CHD6: variants seen among roughly 807,000 people sequenced by gnomAD.
The protein encoded by CHD6 is chromodomain helicase DNA binding protein 6, also known as ATP-dependent chromatin remodeler CHD6.
Under a neutral mutation model 276.9 loss-of-function variants are expected in CHD6, and 50 were observed. That is an observed-to-expected ratio of 0.18 (90% CI 0.14 to 0.23). The LOEUF (loss-of-function observed/expected upper bound fraction) is 0.23. Ranked by LOEUF, CHD6 falls within the 10% of genes least tolerant of loss-of-function variation. The probability of loss-of-function intolerance (pLI) is 1.00; values close to 1 mark genes in which losing one functional copy is unlikely to be tolerated. For synonymous variants in CHD6, 1,173 were observed against 1,229.3 expected (o/e 0.95, Z 0.96); for missense variants, 2,564 against 3,365.8 (o/e 0.76, Z 5.89).
chr20:41,500,766 T>A (rs2043812395), intron 5 of CHD6, among the ~76,000 whole-genome samples: 1 of 152,016 alleles, frequency 6.6e-6, no homozygotes, highest in Non-Finnish European at 1.5e-5. Context: ...CCGACATAGC[T>A]AGACCAGGAA....
At chr20:41,451,143 A>AT in intron 22 of CHD6, 38 bp from the exon 23 acceptor site, 1 of 1,590,528 alleles carries the variant, frequency 6.3e-7, no homozygotes, top group African/African-American at 1.3e-5. Flanking sequence ...GTGGATAGCC[A>AT]AGGGGGGTGT....
Position 41,593,170 on chromosome 20 carries a change from T to C in CHD6, c.-24+25170A>G, listed in dbSNP as rs992633983. 1.1e-4 allele frequency among the ~76,000 whole-genome samples: 14 copies of C among 133,160 alleles called. No homozygotes were observed. The East Asian group carries it at 3.0e-3, about 28-fold the overall frequency. The allele number at this position is 133,160 out of a possible 152,430, so 87.4% of individuals were successfully genotyped here. ...TATCCAAATGTTTTGATAAGGAGAA[T>C]GCCAACACTGTTTAACTCAGCCCAA... On this transcript the variant is annotated intron_variant, in intron 1 of 36. Transcript: ENST00000373233.
chr20:41,508,530 G>T (rs1427741894), intron 5 of CHD6, among the ~76,000 whole-genome samples: 1 of 152,078 alleles, frequency 6.6e-6, no homozygotes, highest in Non-Finnish European at 1.5e-5. Context: ...TGTACACTGG[G>T]CTCAGCACAG....
chr20:41,426,794 C>T (rs1000786525), intron 27 of CHD6, among the ~76,000 whole-genome samples: 1 of 152,180 alleles, frequency 6.6e-6, no homozygotes, highest in Non-Finnish European at 1.5e-5. Flanking sequence ...AATTCCTTCG[C>T]AAATCCTTCT....
chr20:41,607,554 A>G (rs1023570821), intron 1 of CHD6, among the ~76,000 whole-genome samples: 1 of 152,340 alleles, frequency 6.6e-6, no homozygotes, highest in South Asian at 2.1e-4. Context: ...GCAATTCAAT[A>G]TGAAATGCCC....
intron 17 of CHD6, among the ~76,000 whole-genome samples, chr20:41,463,265 C>A (rs370993308): frequency 6.6e-6 from 1 of 152,052 alleles, no homozygotes; most frequent in Admixed American, 6.6e-5. Flanking sequence ...CAGTGCAGAG[C>A]GACAGTTAGA....
At chr20:41,530,427 T>A (rs980360101) in intron 3 of CHD6, among the ~76,000 whole-genome samples, 6 of 152,154 alleles carry the variant, frequency 3.9e-5, no homozygotes, top group African/African-American at 1.4e-4. Context: ...GAGTCATTTA[T>A]AACCATCAAG....
Position 41,403,831 on chromosome 20 carries a change from C to A in CHD6, c.*762G>T. On this transcript the variant is annotated 3_prime_UTR_variant, in exon 37 of 37. Transcript: ENST00000373233. ...TAGCTCTACGGAGCGCGGGTCCTTG[C>A]CCCACCCCCGTCGACAGCAATAACT... 1 of 1,056,930 alleles carries A rather than the reference C, an allele frequency of 9.5e-7. No homozygotes were observed. Among genetic ancestry groups the A allele is most frequent in the South Asian group, 4.6e-5 (1 of 21,892 alleles). 65.5% of individuals were successfully genotyped at this position (1,056,930 alleles called of 1,614,324 possible).
At chr20:41,563,461 A>G (rs1417746031) in intron 1 of CHD6, among the ~76,000 whole-genome samples, 3 of 152,198 alleles carry the variant, frequency 2.0e-5, no homozygotes, top group African/African-American at 7.2e-5. Context: ...AAACAATGCC[A>G]CATTCGCACA....
At chr20:41,585,792 T>G (rs1032629329) in intron 1 of CHD6, among the ~76,000 whole-genome samples, 2 of 151,854 alleles carry the variant, frequency 1.3e-5, no homozygotes, top group African/African-American at 4.8e-5. Flanking sequence ...AAGACAAAGA[T>G]CAAAACAAGT....
At chr20:41,520,994 A>G (rs540235876) in intron 3 of CHD6, among the ~76,000 whole-genome samples, 56 of 152,302 alleles carry the variant, frequency 3.7e-4, no homozygotes, top group Admixed American at 7.2e-4. Flanking sequence ...AGGGTAAACA[A>G]AAAACCCCAC....
chr20:41,508,700 C>A (rs1488389387), intron 5 of CHD6, among the ~76,000 whole-genome samples: 1 of 152,126 alleles, frequency 6.6e-6, no homozygotes, highest in African/African-American at 2.4e-5. Context: ...CCAACAGACA[C>A]TTCTGCACCG....
At chr20:41,615,812 T>C (rs1311856518) in intron 1 of CHD6, among the ~76,000 whole-genome samples, 3 of 152,230 alleles carry the variant, frequency 2.0e-5, no homozygotes, top group African/African-American at 7.2e-5. Context: ...AGCCTGATGT[T>C]GTGGAACCTC....
At chr20:41,498,807 ATGTATGTGTGTGTGTGTGTG>A (rs1329435551) in intron 6 of CHD6, among the ~76,000 whole-genome samples, 61 of 117,734 alleles carry the variant, frequency 5.2e-4, no homozygotes, top group Middle Eastern at 8.5e-3. Flanking sequence ...GTATGTATGT[ATGTATGTGTGTGTGTGTGTG>A]TGTGTGTGTG....
At chr20:41,526,073 T>C (rs2044528157) in intron 3 of CHD6, among the ~76,000 whole-genome samples, 1 of 152,118 alleles carries the variant, frequency 6.6e-6, no homozygotes, top group African/African-American at 2.4e-5. Context: ...CATTATTATT[T>C]AGTAACTCTT....
chr20:41,583,504 T>C (rs2045562016), intron 1 of CHD6, among the ~76,000 whole-genome samples: 2 of 152,288 alleles, frequency 1.3e-5, no homozygotes, highest in Non-Finnish European at 2.9e-5. Context: ...TCGGCATACC[T>C]GCACTACAAG....
intron 36 of CHD6, among the ~76,000 whole-genome samples, chr20:41,407,667 G>A (rs1481550193): frequency 6.6e-6 from 1 of 152,186 alleles, no homozygotes; most frequent in East Asian, 1.9e-4. Flanking sequence ...CTGGTTTCAG[G>A]TTCTCATGGG....
chr20:41,434,326 C>T (rs966781867), intron 27 of CHD6, among the ~76,000 whole-genome samples: 1 of 152,162 alleles, frequency 6.6e-6, no homozygotes, highest in Non-Finnish European at 1.5e-5. Context: ...AAGAGAAAGA[C>T]ATTATATAGT....
rs137956607 is a variant in CHD6, at chr20:41,501,694, T to C, written c.853-2337A>G. On this transcript the variant is annotated intron_variant, in intron 5 of 36. Transcript: ENST00000373233. The stretch of plus-strand genomic sequence containing the variant: ...AAGAAATACTGGGTTATGGGGTAGG[T>C]AGATGTCTAATTTTAATAAATATTG... Among the ~76,000 whole-genome samples the C allele has an allele frequency of 6.3e-3, 964 of 152,302 alleles. 11 individuals are homozygous for C. Among genetic ancestry groups the C allele is most frequent in the Middle Eastern group, 0.024 (7 of 294 alleles).
Sources: allele counts gnomAD v4.1 joint callset (sites outside exome capture counted in the v4.1 genomes callset), GRCh38; gene constraint gnomAD v4.1.1; transcripts MANE v1.5; gene names NCBI Gene and HGNC (gene_info 2026-07-23, HGNC 2026-07-21).